CSMD3: variants seen among roughly 807,000 people sequenced by gnomAD.
CSMD3 encodes CUB and sushi domain-containing protein 3.
CSMD3 carries 177 observed loss-of-function variants against 435.2 expected under a neutral mutation model. That is an observed-to-expected ratio of 0.41 (90% CI 0.36 to 0.46). CSMD3 has a LOEUF of 0.46. CSMD3 is among the 20% of genes least tolerant of loss of function. The pLI is 0.34. For synonymous variants in CSMD3, 1,656 were observed against 1,520.5 expected (o/e 1.09, Z -2.07); for missense variants, 4,265 against 4,504.6 (o/e 0.95, Z 1.52).
intron 11 of CSMD3, among the ~76,000 whole-genome samples, chr8:112,831,637 T>C (rs2079879247): frequency 6.6e-6 from 1 of 151,886 alleles, no homozygotes; most frequent in Non-Finnish European, 1.5e-5. Flanking sequence ...TTATATTTCC[T>C]TTTCTGTGAC....
At chr8:112,557,150 G>T (rs113940841) in intron 24 of CSMD3, among the ~76,000 whole-genome samples, 196 bp from the exon 25 acceptor site, 13 of 151,360 alleles carry the variant, frequency 8.6e-5, no homozygotes, top group African/African-American at 3.2e-4. Flanking sequence ...AATGTGTTGT[G>T]TTTTTGAAGT....
intron 23 of CSMD3, among the ~76,000 whole-genome samples, chr8:112,576,862 G>T (rs2131314789): frequency 6.9e-6 from 1 of 145,204 alleles, no homozygotes; most frequent in East Asian, 2.1e-4. Flanking sequence ...ATATATGAAA[G>T]AAGCTTTTTA....
At chr8:112,444,390 A>C (rs1372363297) in intron 32 of CSMD3, among the ~76,000 whole-genome samples, 1 of 152,232 alleles carries the variant, frequency 6.6e-6, no homozygotes, top group Non-Finnish European at 1.5e-5. Context: ...AAATGACAAC[A>C]AAAAGATTTA....
intron 1 of CSMD3, among the ~76,000 whole-genome samples, chr8:113,333,790 T>C (rs1221903787): frequency 1.3e-5 from 2 of 151,904 alleles, no homozygotes; most frequent in Non-Finnish European, 2.9e-5. Context: ...AAAATAATGT[T>C]GTCTACGTCT....
intron 24 of CSMD3, among the ~76,000 whole-genome samples, chr8:112,566,666 G>C (rs1035275038): frequency 6.6e-6 from 1 of 150,716 alleles, no homozygotes; most frequent in African/African-American, 2.4e-5. Flanking sequence ...AATGCTGGCA[G>C]TTGTGCCAAT....
chr8:112,287,564 A>G (rs1402924261), intron 57 of CSMD3, among the ~76,000 whole-genome samples: 1 of 152,180 alleles, frequency 6.6e-6, no homozygotes, highest in East Asian at 1.9e-4. Flanking sequence ...TGACAGTACT[A>G]TGAACTCAAA....
intron 13 of CSMD3, among the ~76,000 whole-genome samples, chr8:112,729,891 C>G (rs1219865421): frequency 2.0e-5 from 3 of 152,094 alleles, no homozygotes; most frequent in Admixed American, 1.3e-4. Context: ...AACTTTTTGC[C>G]TCCAGAACTC....
intron 11 of CSMD3, among the ~76,000 whole-genome samples, chr8:112,847,374 G>A (rs750446192): frequency 7.2e-5 from 11 of 152,080 alleles, no homozygotes; most frequent in Non-Finnish European, 1.6e-4. Context: ...CTATGATCAT[G>A]GGGTGCAGAA....
intron 3 of CSMD3, among the ~76,000 whole-genome samples, chr8:113,217,479 A>C (rs1285180886): frequency 6.6e-6 from 1 of 151,768 alleles, no homozygotes; most frequent in Non-Finnish European, 1.5e-5. Context: ...AGATAAACAT[A>C]ATTAGTTAAC....
intron 5 of CSMD3, among the ~76,000 whole-genome samples, chr8:113,020,510 T>C (rs1249689660): frequency 6.6e-6 from 1 of 152,116 alleles, no homozygotes; most frequent in East Asian, 1.9e-4. Context: ...CCATTTAAAT[T>C]TTAAGTGTTT....
At chr8:112,996,484 C>T (rs1201491310) in intron 6 of CSMD3, among the ~76,000 whole-genome samples, 7 of 151,616 alleles carry the variant, frequency 4.6e-5, no homozygotes, top group Non-Finnish European at 1.0e-4. Context: ...TACATAAGCA[C>T]AGGCAGGGAA....
In CSMD3 at chr8:112,712,274, T is replaced by G. The variant is rs546135909; in HGVS notation, c.1973-22224A>C. ...CAACAAACAACAATAAAAAACACCT[T>G]GTAAGTTGGGAGAAGGGGTAATTAA... is the stretch of plus-strand genomic sequence containing the variant. On this transcript the variant is annotated intron_variant, in intron 13 of 70. Transcript: ENST00000297405. 3.9e-5 allele frequency among the ~76,000 whole-genome samples: 6 copies of G among 152,264 alleles called. No homozygotes were observed. The South Asian group carries it at 1.2e-3, about 32-fold the overall frequency.
chr8:113,004,990 A>G (rs1054971154), intron 6 of CSMD3, among the ~76,000 whole-genome samples: 2 of 151,844 alleles, frequency 1.3e-5, no homozygotes, highest in Admixed American at 6.6e-5. Flanking sequence ...CATTATATAT[A>G]TACCAAATCT....
intron 7 of CSMD3, among the ~76,000 whole-genome samples, chr8:112,954,983 G>A (rs970419689): frequency 4.6e-5 from 7 of 151,634 alleles, no homozygotes; most frequent in African/African-American, 1.7e-4. Flanking sequence ...GGAAAATCCT[G>A]CATATACATA....
intron 2 of CSMD3, among the ~76,000 whole-genome samples, chr8:113,285,280 G>A (rs1012742656): frequency 1.9e-5 from 1 of 53,986 alleles, no homozygotes; most frequent in African/African-American, 8.1e-5. Context: ...TTTTTTTTTT[G>A]ACAGAGTCTA....
chr8:112,391,000 T>C (rs910479149), intron 35 of CSMD3, among the ~76,000 whole-genome samples: 2 of 151,370 alleles, frequency 1.3e-5, no homozygotes, highest in Admixed American at 1.3e-4. Context: ...GACCTTTGAA[T>C]GGCATATCTA....
chr8:112,364,608 A>G (rs1301332823), intron 38 of CSMD3, among the ~76,000 whole-genome samples: 1 of 152,086 alleles, frequency 6.6e-6, no homozygotes, highest in Non-Finnish European at 1.5e-5. Context: ...GGACATATTC[A>G]TATTACAATC....
intron 12 of CSMD3, among the ~76,000 whole-genome samples, chr8:112,803,642 TGG>T (rs1294001211): frequency 6.6e-6 from 1 of 152,164 alleles, no homozygotes; most frequent in African/African-American, 2.4e-5. Flanking sequence ...AACAGTAACA[TGG>T]AAAATAAGCC....
At chr8:112,817,618 A>G (rs1262088112) in intron 12 of CSMD3, among the ~76,000 whole-genome samples, 1 of 152,074 alleles carries the variant, frequency 6.6e-6, no homozygotes, top group East Asian at 1.9e-4. Flanking sequence ...GGGAAAAAAC[A>G]TCCTCCAAGT....
Sources: allele counts gnomAD v4.1 joint callset (sites outside exome capture counted in the v4.1 genomes callset), GRCh38; gene constraint gnomAD v4.1.1; transcripts MANE v1.5; gene names NCBI Gene and HGNC (gene_info 2026-07-23, HGNC 2026-07-21).